The following GRM8 variants were observed in gnomAD, a reference collection of about 807,000 sequenced individuals.
GRM8 encodes the protein glutamate metabotropic receptor 8.
Under a neutral mutation model 87.2 loss-of-function variants are expected in GRM8, and 47 were observed. The ratio of observed to expected loss-of-function variants is 0.54; its 90% CI spans 0.43 to 0.69. The LOEUF (loss-of-function observed/expected upper bound fraction) is 0.69. Ranked by LOEUF, GRM8 falls within the 30% of genes least tolerant of loss-of-function variation. The pLI, the probability that GRM8 is intolerant of heterozygous loss-of-function variation, is 0.00. For missense variants in GRM8, 1,019 were observed against 1,139.2 expected, an observed-to-expected ratio of 0.89 and a Z score of 1.52; for synonymous variants, 396 against 404.5, an observed-to-expected ratio of 0.98 and a Z score of 0.25.
intron 6 of GRM8, among the ~76,000 whole-genome samples, chr7:126,804,622 T>A (rs910402212): frequency 2.6e-5 from 4 of 152,178 alleles, no homozygotes; most frequent in African/African-American, 9.6e-5. Context: ...CAAGATCCAT[T>A]CAACGAAGAC....
At chr7:126,466,516 C>T (rs965514244) in intron 9 of GRM8, among the ~76,000 whole-genome samples, 4 of 151,864 alleles carry the variant, frequency 2.6e-5, no homozygotes, top group Non-Finnish European at 5.9e-5. Flanking sequence ...GAAATTGGCT[C>T]ACACAATTAT....
chr7:126,813,438 C>A (rs1458228020), intron 6 of GRM8, among the ~76,000 whole-genome samples: 1 of 152,080 alleles, frequency 6.6e-6, no homozygotes, highest in Admixed American at 6.6e-5. Context: ...TCACACAGAT[C>A]ATCTCTGGCA....
chr7:126,621,753 C>T (rs1260626794), intron 7 of GRM8, among the ~76,000 whole-genome samples: 1 of 152,034 alleles, frequency 6.6e-6, no homozygotes, highest in Non-Finnish European at 1.5e-5. Flanking sequence ...ATCATTCACG[C>T]ATCTTGACAC....
intron 8 of GRM8, among the ~76,000 whole-genome samples, chr7:126,590,795 A>T (rs1796599680): frequency 6.6e-6 from 1 of 152,150 alleles, no homozygotes; most frequent in South Asian, 2.1e-4. Context: ...TAAAGGAAAG[A>T]TACAATATTT....
intron 3 of GRM8, among the ~76,000 whole-genome samples, chr7:126,958,504 C>T (rs1018957468): frequency 1.3e-5 from 2 of 152,224 alleles, no homozygotes; most frequent in African/African-American, 4.8e-5. Flanking sequence ...CTGCCTGCCC[C>T]ACTGCGGCAG....
At chr7:126,898,625 G>A (rs2131164150) in intron 6 of GRM8, among the ~76,000 whole-genome samples, 1 of 152,240 alleles carries the variant, frequency 6.6e-6, no homozygotes, top group African/African-American at 2.4e-5. Context: ...TAAATCAAAG[G>A]AATTGGAGGC....
chr7:126,905,268 G>A (rs149027731), intron 3 of GRM8, among the ~76,000 whole-genome samples: 1,977 of 152,196 alleles, frequency 0.013, 23 homozygotes, highest in Middle Eastern at 0.027. Flanking sequence ...GACATACATC[G>A]CCACTATGAA....
chr7:126,671,660 A>G (rs984880242), intron 7 of GRM8, among the ~76,000 whole-genome samples: 1 of 152,234 alleles, frequency 6.6e-6, no homozygotes, highest in Non-Finnish European at 1.5e-5. Context: ...ATCTGGATCA[A>G]TAGTCTAGTT....
At chr7:127,111,171 G>A (rs539126861) in intron 2 of GRM8, 2 of 152,170 alleles carry the variant, frequency 1.3e-5, no homozygotes, top group Non-Finnish European at 1.5e-5. Flanking sequence ...TCATGTGCCT[G>A]GGGAGTTATT....
intron 2 of GRM8, among the ~76,000 whole-genome samples, chr7:127,122,574 C>G (rs944586751): frequency 7.8e-6 from 1 of 128,794 alleles, no homozygotes; most frequent in Non-Finnish European, 1.6e-5. Flanking sequence ...ATACACATTG[C>G]TTTTTGGATG....
intron 3 of GRM8, among the ~76,000 whole-genome samples, chr7:127,079,954 C>T (rs1822676396): frequency 6.6e-6 from 1 of 152,132 alleles, no homozygotes. Flanking sequence ...ATTTTTGTCC[C>T]TGTGGTACAC....
intron 8 of GRM8, among the ~76,000 whole-genome samples, chr7:126,570,222 A>G (rs770348417): frequency 2.6e-5 from 4 of 152,062 alleles, no homozygotes; most frequent in Non-Finnish European, 5.9e-5. Context: ...TCTATATTAC[A>G]TATTCATATG....
chr7:127,029,996 G>A (rs925867999), intron 3 of GRM8, among the ~76,000 whole-genome samples: 6 of 152,012 alleles, frequency 3.9e-5, no homozygotes, highest in Admixed American at 6.6e-5. Flanking sequence ...TGTGCCTGGC[G>A]AATAAAAGGT....
chr7:127,195,286 T>C (rs1025386193), intron 2 of GRM8, among the ~76,000 whole-genome samples: 6 of 152,224 alleles, frequency 3.9e-5, no homozygotes, highest in Non-Finnish European at 7.3e-5. Context: ...TAATTTTATA[T>C]GTAGTTTTCT....
At chr7:127,130,061 T>TGGC (rs1280391876) in intron 2 of GRM8, among the ~76,000 whole-genome samples, 1 of 152,170 alleles carries the variant, frequency 6.6e-6, no homozygotes, top group Non-Finnish European at 1.5e-5. Context: ...GGTTTAAAAG[T>TGGC]GGCAGGTTCC....
chr7:126,447,633 A>C (rs1802164681), intron 9 of GRM8, among the ~76,000 whole-genome samples: 1 of 152,100 alleles, frequency 6.6e-6, no homozygotes, highest in South Asian at 2.1e-4. Flanking sequence ...AACAAAAAAA[A>C]CCATTCGCCC....
At chr7:126,997,352 TAAAC>T (rs1813279546) in intron 3 of GRM8, among the ~76,000 whole-genome samples, 1 of 151,008 alleles carries the variant, frequency 6.6e-6, no homozygotes, top group Non-Finnish European at 1.5e-5. Context: ...AAGAAAAACT[TAAAC>T]AGCCTGATGA....
chr7:126,914,745 A>T (rs1412675512), intron 3 of GRM8, among the ~76,000 whole-genome samples: 1 of 152,192 alleles, frequency 6.6e-6, no homozygotes, highest in Non-Finnish European at 1.5e-5. Flanking sequence ...AAAGATGGGA[A>T]CAATAGACAC....
At chr7:126,573,823 G>A (rs116417525) in intron 8 of GRM8, among the ~76,000 whole-genome samples, 1 of 152,184 alleles carries the variant, frequency 6.6e-6, no homozygotes, top group Non-Finnish European at 1.5e-5. Context: ...TGAGAGTCAG[G>A]TGATCCATCC....
Sources: allele counts gnomAD v4.1 joint callset (sites outside exome capture counted in the v4.1 genomes callset), GRCh38; gene constraint gnomAD v4.1.1; transcripts MANE v1.5; gene names NCBI Gene and HGNC (gene_info 2026-07-23, HGNC 2026-07-21).